Variants in TMEM132B observed in about 807,000 individuals in gnomAD.
TMEM132B encodes the protein transmembrane protein 132B.
In TMEM132B, 18 loss-of-function variants were observed where a neutral mutation model predicts 90.8. That is an observed-to-expected ratio of 0.20 (90% confidence interval 0.14 to 0.29). TMEM132B has a LOEUF of 0.29. Ranked by LOEUF, TMEM132B falls within the 10% of genes least tolerant of loss-of-function variation. The pLI, the probability that TMEM132B is intolerant of heterozygous loss-of-function variation, is 1.00. For missense variants in TMEM132B, 1,096 were observed against 1,326.8 expected, an observed-to-expected ratio of 0.83 and a Z score of 2.70; for synonymous variants, 504 against 523.3, an observed-to-expected ratio of 0.96 and a Z score of 0.50.
intron 1 of TMEM132B, among the ~76,000 whole-genome samples, chr12:125,218,458 A>G (rs1873487485): frequency 6.6e-6 from 1 of 152,064 alleles, no homozygotes; most frequent in African/African-American, 2.4e-5. Context: ...AATGTTTTGT[A>G]TCTGGCTTCT....
chr12:125,362,590 C>T (rs1273535705), intron 2 of TMEM132B, among the ~76,000 whole-genome samples: 5 of 152,140 alleles, frequency 3.3e-5, no homozygotes, highest in Non-Finnish European at 5.9e-5. Flanking sequence ...ACTGAAACTA[C>T]ACTCACCACA....
intron 3 of TMEM132B, among the ~76,000 whole-genome samples, chr12:125,439,908 C>T (rs4765040): frequency 0.55 from 83,559 of 152,042 alleles, 24,473 homozygotes; most frequent in African/African-American, 0.77. Context: ...AAGCCTTTTC[C>T]GCATCTATTG....
chr12:125,211,133 A>C (rs1051292523), intron 1 of TMEM132B, among the ~76,000 whole-genome samples: 2 of 152,074 alleles, frequency 1.3e-5, no homozygotes, highest in Non-Finnish European at 2.9e-5. Flanking sequence ...GTATGAAAGA[A>C]AGAGGGGAGT....
chr12:125,200,460 C>T (rs1873029967), intron 1 of TMEM132B, among the ~76,000 whole-genome samples: 1 of 152,116 alleles, frequency 6.6e-6, no homozygotes, highest in South Asian at 2.1e-4. Flanking sequence ...ACAGAACTAC[C>T]TCATTTTTTT....
At chr12:125,393,671 G>T (rs1879092139) in intron 2 of TMEM132B, among the ~76,000 whole-genome samples, 1 of 152,122 alleles carries the variant, frequency 6.6e-6, no homozygotes, top group African/African-American at 2.4e-5. Context: ...CTTAATGAAG[G>T]GGCTTTTGAT....
intron 3 of TMEM132B, among the ~76,000 whole-genome samples, chr12:125,500,797 T>C (rs755546000): frequency 1.3e-5 from 2 of 151,638 alleles, no homozygotes; most frequent in Admixed American, 6.6e-5. Flanking sequence ...ATGAGGAGAG[T>C]AGATTTTTGT....
intron 4 of TMEM132B, among the ~76,000 whole-genome samples, chr12:125,548,102 C>CT (rs2136750319): frequency 6.6e-6 from 1 of 152,196 alleles, no homozygotes; most frequent in Admixed American, 6.5e-5. Flanking sequence ...GCAGAGAGGT[C>CT]TGCCCCCACC....
At chr12:125,378,977 G>C (rs1474305645) in intron 2 of TMEM132B, among the ~76,000 whole-genome samples, 2 of 152,096 alleles carry the variant, frequency 1.3e-5, no homozygotes, top group Non-Finnish European at 2.9e-5. Context: ...TCAGTCCCCA[G>C]CATCTGGTGG....
chr12:125,612,741 C>A (rs961375214), intron 5 of TMEM132B, among the ~76,000 whole-genome samples: 3 of 141,578 alleles, frequency 2.1e-5, no homozygotes, highest in African/African-American at 7.7e-5. Flanking sequence ...TTGGATGATA[C>A]ATGTCCCTCT....
intron 2 of TMEM132B, among the ~76,000 whole-genome samples, chr12:125,358,465 C>T (rs1318328395): frequency 6.6e-6 from 1 of 152,112 alleles, no homozygotes; most frequent in African/African-American, 2.4e-5. Context: ...TCCAGGAACC[C>T]CACAGCACAG....
intron 2 of TMEM132B, among the ~76,000 whole-genome samples, chr12:125,362,532 A>G (rs1390178121): frequency 6.6e-6 from 1 of 152,222 alleles, no homozygotes; most frequent in African/African-American, 2.4e-5. Context: ...TGTTAACTAC[A>G]TGCGCACTAT....
intron 4 of TMEM132B, among the ~76,000 whole-genome samples, chr12:125,568,465 G>A (rs1310643966): frequency 6.6e-6 from 1 of 152,138 alleles, no homozygotes; most frequent in Non-Finnish European, 1.5e-5. Context: ...TTTCCCCCAT[G>A]CAATGCCTGA....
chr12:125,432,528 T>TATATAGAGAGAGAGAG lies in TMEM132B; in HGVS notation c.1106+16852_1106+16853insTATAGAGAGAGAGAGA, dbSNP rs1458075923. 5.1e-5 allele frequency among the ~76,000 whole-genome samples: 2 copies of TATATAGAGAGAGAGAG among 39,128 alleles called. 1 individual carries two copies. Among genetic ancestry groups the TATATAGAGAGAGAGAG allele is most frequent in the African/African-American group, 2.5e-4 (2 of 8,056 alleles). The allele number at this position is 39,128 out of a possible 152,430, so 25.7% of individuals were successfully genotyped here. On this transcript the variant is annotated intron_variant, in intron 3 of 8. Transcript: ENST00000682704. ...GTGTGTGTGTATATATATATATATATAGAGAGAGAGAGAGAGAGAGAGAGA... is the reference window on the plus strand; with the variant it reads ...GTGTGTGTGTATATATATATATATATATATAGAGAGAGAGAGAGAGAGAGAGAGAGAGAGAGAGAGA...
intron 1 of TMEM132B, among the ~76,000 whole-genome samples, chr12:125,328,909 C>T (rs773490168): frequency 2.0e-4 from 31 of 152,164 alleles, no homozygotes; most frequent in Non-Finnish European, 4.4e-4. Flanking sequence ...TCTGTGAGGA[C>T]AGGGCTGCTT....
At chr12:125,227,287 C>T (rs1219079010) in intron 1 of TMEM132B, among the ~76,000 whole-genome samples, 1 of 152,166 alleles carries the variant, frequency 6.6e-6, no homozygotes, top group African/African-American at 2.4e-5. Context: ...GGAAGCACTT[C>T]ACATGTATTA....
intron 3 of TMEM132B, among the ~76,000 whole-genome samples, chr12:125,425,281 T>C (rs191605209): frequency 6.6e-6 from 1 of 152,226 alleles, no homozygotes. Context: ...TTTTCAATTA[T>C]ACATTTACAA....
chr12:125,370,137 G>A (rs891367901), intron 2 of TMEM132B, among the ~76,000 whole-genome samples: 2 of 152,194 alleles, frequency 1.3e-5, no homozygotes, highest in African/African-American at 4.8e-5. Context: ...GTTAATCCCT[G>A]TTGTGGCTTA....
chr12:125,366,875 C>CA (rs1281942775), intron 2 of TMEM132B, among the ~76,000 whole-genome samples: 6 of 152,148 alleles, frequency 3.9e-5, no homozygotes, highest in African/African-American at 1.2e-4. Flanking sequence ...TTTTCTCACT[C>CA]ATTTTACATT....
chr12:125,430,026 C>A (rs1360187261), intron 3 of TMEM132B, among the ~76,000 whole-genome samples: 3 of 152,244 alleles, frequency 2.0e-5, no homozygotes, highest in Non-Finnish European at 2.9e-5. Context: ...ATGCTAATTG[C>A]AACTAGTCCT....
Sources: allele counts gnomAD v4.1 joint callset (sites outside exome capture counted in the v4.1 genomes callset), GRCh38; gene constraint gnomAD v4.1.1; transcripts MANE v1.5; gene names NCBI Gene and HGNC (gene_info 2026-07-23, HGNC 2026-07-21).